The following IDE variants were observed in gnomAD, a reference collection of about 807,000 sequenced individuals.
IDE encodes the protein insulin degrading enzyme, also known as insulin-degrading enzyme.
Under a neutral mutation model 133.2 loss-of-function variants are expected in IDE, and 58 were observed. The observed-to-expected ratio is 0.44, with a 90% CI of 0.35 to 0.54. The LOEUF (loss-of-function observed/expected upper bound fraction) is 0.54. Ranked by LOEUF, IDE falls within the 20% of genes least tolerant of loss-of-function variation. IDE has a pLI of 0.00. For missense variants in IDE, 981 were observed against 1,234.0 expected (o/e 0.79, Z 3.07); for synonymous variants, 396 against 421.3 (o/e 0.94, Z 0.73).
In IDE at chr10:92,465,680, C is replaced by T; in HGVS notation, c.2484G>A (p.Gln828=). The change falls in exon 20 of 25, where the codon CAG becomes CAA. Residue 828 remains glutamine (Q), a synonymous_variant. Coordinates refer to ENST00000265986, the MANE Select transcript of IDE (RefSeq NM_004969.4). ...PCFNTLRTKE[Q]LGYIVFSGPR... is the part of the protein sequence containing the mutation. ...ATTTCCCCACTTTCCTCTCACCCAACTGCTCCTTGGTGCGCAGGGTGTTGA... is the reference window on the plus strand; with the variant it reads ...ATTTCCCCACTTTCCTCTCACCCAATTGCTCCTTGGTGCGCAGGGTGTTGA... 1 of 1,610,800 alleles carries T rather than the reference C, an allele frequency of 6.2e-7. No homozygotes were observed. The highest frequency in any genetic ancestry group is 8.5e-7 in the Non-Finnish European group (1 of 1,177,178).
At chr10:92,458,713 G>A (rs1048867668) in intron 22 of IDE, among the ~76,000 whole-genome samples, 2 of 151,846 alleles carry the variant, frequency 1.3e-5, no homozygotes, top group Admixed American at 1.3e-4. Flanking sequence ...TGTTGGTCAG[G>A]CTGGTCTCGA....
In IDE at chr10:92,454,462, G is replaced by T. The variant is rs779817589; in HGVS notation, c.3042C>A (p.Phe1014Leu). Reference protein sequence around the residue: ...LFPLVKPHINFMAAKL With the variant: ...LFPLVKPHINLMAAKL ...GGAATCTTCAGAGTTTTGCAGCCATGAAGTTAATATGTGGTTTCACAAGGG... is the reference window on the plus strand; with the variant it reads ...GGAATCTTCAGAGTTTTGCAGCCATTAAGTTAATATGTGGTTTCACAAGGG... Residue 1014 changes from phenylalanine (F) to leucine (L), a missense_variant, in exon 25 of 25, where the codon TTC becomes TTA. Physicochemically the swap from Phe to Leu is conservative, Grantham distance 22 (BLOSUM62 0). Transcript: ENST00000265986. 18 of 1,612,196 alleles carry T rather than the reference G, an allele frequency of 1.1e-5. No individual in the cohort carries two copies. In the Middle Eastern group the frequency reaches 5.0e-4, roughly 44 times the overall value.
chr10:92,516,953 G>A (rs1271080952), intron 4 of IDE, among the ~76,000 whole-genome samples: 2 of 152,040 alleles, frequency 1.3e-5, no homozygotes, highest in Admixed American at 6.6e-5. Context: ...TCCAATGATC[G>A]GTGTCTCTCC....
chr10:92,510,290 C>T, intron 5 of IDE, 128 bp from the exon 6 acceptor site: 1 of 447,534 alleles, frequency 2.2e-6, no homozygotes, highest in Non-Finnish European at 4.0e-6. Context: ...AATGATTACA[C>T]CTCACACCTA....
chr10:92,477,963 C>A (rs1031610203), intron 15 of IDE, among the ~76,000 whole-genome samples: 2 of 152,108 alleles, frequency 1.3e-5, no homozygotes, highest in African/African-American at 4.8e-5. Flanking sequence ...TTCCTACAAT[C>A]TTTTGTGTAA....
At chr10:92,522,295 T>C (rs1467856644) in intron 4 of IDE, among the ~76,000 whole-genome samples, 1 of 152,202 alleles carries the variant, frequency 6.6e-6, no homozygotes, top group Non-Finnish European at 1.5e-5. Flanking sequence ...ACTCAAACTA[T>C]CCTAACTCAT....
intron 13 of IDE, among the ~76,000 whole-genome samples, chr10:92,485,062 G>GA (rs1324877077): frequency 4.0e-5 from 6 of 148,890 alleles, no homozygotes; most frequent in African/African-American, 7.4e-5. Context: ...TTAAAAAAAG[G>GA]AAAAAAAACT....
At chr10:92,569,468 A>T (rs1216153248) in intron 1 of IDE, among the ~76,000 whole-genome samples, 4 of 152,212 alleles carry the variant, frequency 2.6e-5, no homozygotes, top group African/African-American at 9.6e-5. Context: ...CTGATGTAAG[A>T]TGTTACGAAG....
intron 5 of IDE, among the ~76,000 whole-genome samples, 174 bp downstream of exon 5, chr10:92,514,746 C>G (rs1406341252): frequency 1.3e-5 from 2 of 152,140 alleles, no homozygotes; most frequent in African/African-American, 2.4e-5. Flanking sequence ...TTTGGGAACA[C>G]AATGATTTAA....
chr10:92,516,171 C>T (rs1036020967), intron 4 of IDE, among the ~76,000 whole-genome samples: 1 of 144,774 alleles, frequency 6.9e-6, no homozygotes, highest in Admixed American at 7.1e-5. Flanking sequence ...GGCAACAAGA[C>T]GGAAACTCCG....
In IDE at chr10:92,465,690, G is replaced by C; in HGVS notation, c.2474C>G (p.Thr825Ser). ...ISEPCFNTLR[T>S]KEQLGYIVFS... ...TTTCCTCTCACCCAACTGCTCCTTG[G>C]TGCGCAGGGTGTTGAAGCAAGGTTC... is the stretch of plus-strand genomic sequence containing the variant. The change falls in exon 20 of 25, where the codon ACC becomes AGC. Residue 825 changes from threonine to serine, a missense_variant. Transcript: ENST00000265986. The C allele has an allele frequency of 6.2e-7, 1 of 1,612,930 alleles. No homozygotes were observed.
At chr10:92,543,622 T>C (rs1164361091) in intron 1 of IDE, among the ~76,000 whole-genome samples, 1 of 152,200 alleles carries the variant, frequency 6.6e-6, no homozygotes, top group Non-Finnish European at 1.5e-5. Flanking sequence ...GAGTTTATGA[T>C]CAACAAATAA....
At chr10:92,482,331 A>C (rs1010890776) in intron 14 of IDE, among the ~76,000 whole-genome samples, 1 of 152,252 alleles carries the variant, frequency 6.6e-6, no homozygotes, top group Non-Finnish European at 1.5e-5. Flanking sequence ...ACAGGTGATT[A>C]ACACACAAAT....
In IDE at chr10:92,525,449, G is replaced by A. The variant is rs1035879598; in HGVS notation, c.661+6299C>T. Among the ~76,000 whole-genome samples the A allele has an allele frequency of 5.9e-5, 9 of 152,108 alleles. No individual in the cohort carries two copies. The East Asian group carries it at 1.4e-3, about 23-fold the overall frequency. ...CAGAGCTAACATCATATGGAACAGC[G>A]AAAAAGTGAAAGCCTTTGCTCTAAG... On this transcript the variant is annotated intron_variant, in intron 4 of 24. Transcript: ENST00000265986.
In IDE at chr10:92,524,440, AT is replaced by A. The variant is rs1849458849; in HGVS notation, c.661+7307del. 2.8e-4 allele frequency among the ~76,000 whole-genome samples: 5 copies of A among 17,740 alleles called. 1 individual carries two copies. The highest frequency in any genetic ancestry group is 1.4e-3 in the African/African-American group (4 of 2,954). 11.6% of individuals were successfully genotyped at this position (17,740 alleles called of 152,430 possible). A position where few individuals can be genotyped will look rare whatever the true frequency, so the allele number is the denominator to read the frequency against. ...TATTATATATAATATATTTTATATA[AT>A]ATATTTTATATATTATATATTTTAT... On this transcript the variant is annotated intron_variant, in intron 4 of 24. Transcript: ENST00000265986.
intron 11 of IDE, among the ~76,000 whole-genome samples, chr10:92,491,391 T>A (rs1259478733): frequency 6.6e-6 from 1 of 152,154 alleles, no homozygotes; most frequent in Admixed American, 6.6e-5. Context: ...TATTATTGCT[T>A]GCTACATTTG....
In IDE at chr10:92,513,418, C is replaced by A. The variant is rs575375550; in HGVS notation, c.784+1502G>T. On this transcript the variant is annotated intron_variant, in intron 5 of 24. Coordinates refer to ENST00000265986, the MANE Select transcript of IDE (RefSeq NM_004969.4). Reference sequence around the variant, plus strand: ...ATGTTGGCTGGGCTGGTCTCAAACTCCTGACCACAAGTGATCCACCTGCCT... The same window carrying A: ...ATGTTGGCTGGGCTGGTCTCAAACTACTGACCACAAGTGATCCACCTGCCT... Among the ~76,000 whole-genome samples the A allele has an allele frequency of 4.9e-3, 749 of 152,302 alleles. 8 individuals are homozygous for A. Among genetic ancestry groups the A allele is most frequent in the African/African-American group, 0.017 (712 of 41,576 alleles).
intron 22 of IDE, among the ~76,000 whole-genome samples, 156 bp from the exon 23 acceptor site, chr10:92,456,587 C>T (rs1210193957): frequency 6.6e-6 from 1 of 151,956 alleles, no homozygotes; most frequent in Admixed American, 6.6e-5. Context: ...GCCTGTAATC[C>T]CAGCACTTTG....
intron 3 of IDE, among the ~76,000 whole-genome samples, chr10:92,533,841 T>G (rs917434491): frequency 2.6e-5 from 4 of 151,128 alleles, no homozygotes; most frequent in Non-Finnish European, 5.9e-5. Context: ...CTGACCAACA[T>G]GGTGAAACCC....
Sources: gnomAD v4.1 joint callset for allele counts (sites outside exome capture counted in the v4.1 genomes callset) on GRCh38, gnomAD v4.1.1 for gene constraint, MANE v1.5 for transcripts, NCBI Gene and HGNC (gene_info 2026-07-23, HGNC 2026-07-21) for gene names.